Variants in SEMA4A observed in about 807,000 individuals in gnomAD.
SEMA4A encodes the protein semaphorin-4A.
SEMA4A carries 52 observed loss-of-function variants against 72.5 expected under a neutral mutation model. The ratio of observed to expected loss-of-function variants is 0.72; its 90% CI spans 0.57 to 0.90. SEMA4A has a LOEUF of 0.90. Ranked by LOEUF, SEMA4A falls within the 40% of genes least tolerant of loss-of-function variation. The pLI is 0.00. For missense variants in SEMA4A, 926 were observed against 959.7 expected, an observed-to-expected ratio of 0.96 and a Z score of 0.46; for synonymous variants, 369 against 393.1, an observed-to-expected ratio of 0.94 and a Z score of 0.73.
chr1:156,169,407 C>CTTTTTT lies in SEMA4A; in HGVS notation c.1135-3398_1135-3393dup, dbSNP rs766983966. Among the ~76,000 whole-genome samples, 148 of 85,296 alleles carry CTTTTTT rather than the reference C, an allele frequency of 1.7e-3. 1 individual carries two copies. Among genetic ancestry groups the CTTTTTT allele is most frequent in the African/African-American group, 2.3e-3 (46 of 20,192 alleles). 56.0% of individuals were successfully genotyped at this position (85,296 alleles called of 152,430 possible). On this transcript the variant is annotated intron_variant, in intron 10 of 14. Coordinates refer to ENST00000368285, the MANE Select transcript of SEMA4A (RefSeq NM_022367.4). ...CATCTAGGTTTATGTCTTTTCTTTT[C>CTTTTTT]TTTTTTTTTTTTTTTTTTTTTTTTT...
chr1:156,156,334 C>T lies in SEMA4A; in HGVS notation c.140-80C>T, dbSNP rs1653023734. 4 of 1,415,214 alleles carry T rather than the reference C, an allele frequency of 2.8e-6. No individual in the cohort carries two copies. In the South Asian group the frequency reaches 4.6e-5, roughly 16 times the overall value. The allele number at this position is 1,415,214 out of a possible 1,614,324, so 87.7% of individuals were successfully genotyped here. A position where few individuals can be genotyped will look rare whatever the true frequency, so the allele number is the denominator to read the frequency against. Reference sequence around the variant, plus strand: ...GGGAGCACACTCAGGCAACCCTTCCCCTTCCCCCACTTTTATCTCAGGAGT... The same window carrying T: ...GGGAGCACACTCAGGCAACCCTTCCTCTTCCCCCACTTTTATCTCAGGAGT... On this transcript the variant is annotated intron_variant, in intron 2 of 14. Transcript: ENST00000368285.
In SEMA4A at chr1:156,160,947, T is replaced by C. The variant is rs1653545191; in HGVS notation, c.728T>C (p.Val243Ala). The change falls in exon 8 of 15, where the codon GTC becomes GCC. Residue 243 changes from valine (V) to alanine (A), a missense_variant. Physicochemically the swap from Val to Ala is moderately conservative, Grantham distance 64. Coordinates refer to ENST00000368285, the MANE Select transcript of SEMA4A (RefSeq NM_022367.4). Reference sequence around the variant, plus strand: ...GCAGCCATCCCTTCGACCCAGGTCGTCTACTTCTTCTTCGAGGAGACAGCC... The same window carrying C: ...GCAGCCATCCCTTCGACCCAGGTCGCCTACTTCTTCTTCGAGGAGACAGCC... ...FVAAIPSTQV[V>A]YFFFEETASE... is the part of the protein sequence containing the mutation. 1 of 1,612,826 alleles carries C rather than the reference T, an allele frequency of 6.2e-7. No homozygotes were observed. The highest frequency in any genetic ancestry group is 1.7e-5 in the Admixed American group (1 of 59,866).
Position 156,154,705 on chromosome 1 carries a change from A to G in SEMA4A, c.127A>G (p.Arg43Gly), listed in dbSNP as rs1641788827. 1 of 1,585,214 alleles carries G rather than the reference A, an allele frequency of 6.3e-7. No individual in the cohort carries two copies. The highest frequency in any genetic ancestry group is 8.6e-7 in the Non-Finnish European group (1 of 1,166,028). The change falls in exon 2 of 15, where the codon AGA becomes GGA. Residue 43 changes from arginine (R) to glycine (G), a missense_variant. Coordinates refer to ENST00000368285, the MANE Select transcript of SEMA4A (RefSeq NM_022367.4). ...GGGQGPMPRV[R>G]YYAGDERRAL... ...CGGGCAGGGGCCCATGCCCAGGGTC[A>G]GATACTATGCAGGTAAGTGTCCGAC...
chr1:156,154,568 T>C lies in SEMA4A; in HGVS notation c.-11T>C. The C allele has an allele frequency of 6.2e-7, 1 of 1,608,278 alleles. No homozygotes were observed. The highest frequency in any genetic ancestry group is 8.5e-7 in the Non-Finnish European group (1 of 1,179,044). On this transcript the variant is annotated 5_prime_UTR_variant, in exon 2 of 15. Coordinates refer to ENST00000368285, the MANE Select transcript of SEMA4A (RefSeq NM_022367.4). ...TCCCCAGAGCTCCCTGGTGACAGTCTGTGGCTGAGCATGGCCCTCCCAGCC... is the reference window on the plus strand; with the variant it reads ...TCCCCAGAGCTCCCTGGTGACAGTCCGTGGCTGAGCATGGCCCTCCCAGCC...
intron 10 of SEMA4A, among the ~76,000 whole-genome samples, chr1:156,170,394 C>T (rs73006744): frequency 0.018 from 2,161 of 119,656 alleles, 55 homozygotes; most frequent in African/African-American, 0.066. Flanking sequence ...ATTCTCCAGG[C>T]GGAGGTTGCG....
Position 156,158,348 on chromosome 1 carries a change from G to A in SEMA4A, c.364-40G>A, listed in dbSNP as rs115108770. 3.4e-3 allele frequency: 5,226 copies of A among 1,535,028 alleles called. 173 individuals carry two copies. In the African/African-American group the frequency reaches 0.066, roughly 19 times the overall value. On this transcript the variant is annotated intron_variant, in intron 4 of 14. Transcript: ENST00000368285. ...AGCCTCTGGGGGTCCAGCAATTTGA[G>A]TCAGGTGGCCTGGAGACCTAAATTC...
Position 156,157,999 on chromosome 1 carries a change from G to T in SEMA4A, c.301-71G>T. ...GTTATTTCACATCAGAGCAGAGAAG[G>T]GAGGCAGGTCACAGCTAGAACTGAG... On this transcript the variant is annotated intron_variant, in intron 3 of 14. Transcript: ENST00000368285. This position sits in a 1 kb window ranked among gnomAD's most constrained non-coding sequence, Gnocchi z 4.5. 1 of 1,476,092 alleles carries T rather than the reference G, an allele frequency of 6.8e-7. No homozygotes were observed. Among genetic ancestry groups the T allele is most frequent in the East Asian group, 2.3e-5 (1 of 43,500 alleles). The allele number at this position is 1,476,092 out of a possible 1,614,324, so 91.4% of individuals were successfully genotyped here. A position where few individuals can be genotyped will look rare whatever the true frequency, so the allele number is the denominator to read the frequency against.
chr1:156,168,718 T>G (rs1265648258), intron 10 of SEMA4A, among the ~76,000 whole-genome samples: 1 of 152,198 alleles, frequency 6.6e-6, no homozygotes, highest in African/African-American at 2.4e-5. Flanking sequence ...TGGTCTCTGT[T>G]ATGTCACCAC....
At chr1:156,171,204 A>G (rs1654740214) in intron 10 of SEMA4A, among the ~76,000 whole-genome samples, 1 of 152,204 alleles carries the variant, frequency 6.6e-6, no homozygotes, top group Non-Finnish European at 1.5e-5. Context: ...TTGTCTAAGG[A>G]CACAGCTTAT....
chr1:156,176,403 A>G lies in SEMA4A; in HGVS notation c.1694-2A>G. 1 of 1,602,524 alleles carries G rather than the reference A, an allele frequency of 6.2e-7. No individual in the cohort carries two copies. Among genetic ancestry groups the G allele is most frequent in the Non-Finnish European group, 8.5e-7 (1 of 1,169,750 alleles). ...CCTTTTGCTCCTTTCTTTCTCCTACAGTTAAAGAAGTCCTGGCTGTCCCCA... is the reference window on the plus strand; with the variant it reads ...CCTTTTGCTCCTTTCTTTCTCCTACGGTTAAAGAAGTCCTGGCTGTCCCCA... On this transcript the variant is annotated splice_acceptor_variant, in intron 14 of 14. Transcript: ENST00000368285. LOFTEE classifies it high-confidence loss of function.
At chr1:156,160,767 C>T (rs771769425) in intron 7 of SEMA4A, 138 bp from the exon 8 acceptor site, 15 of 1,296,042 alleles carry the variant, frequency 1.2e-5, no homozygotes, top group Non-Finnish European at 1.7e-5. Flanking sequence ...CACCCCACAT[C>T]GCTACCCCTC....
At chr1:156,160,304 A>G in intron 6 of SEMA4A, 139 bp from the exon 7 acceptor site, 1 of 728,972 alleles carries the variant, frequency 1.4e-6, no homozygotes, top group South Asian at 1.4e-5. Flanking sequence ...CTGGCCTTTG[A>G]GGCTCCCCAG....
chr1:156,172,599 G>A (rs1169573972), intron 10 of SEMA4A, among the ~76,000 whole-genome samples: 1 of 152,166 alleles, frequency 6.6e-6, no homozygotes, highest in Admixed American at 6.5e-5. Flanking sequence ...TTCCCAGCGA[G>A]CCTATGAGGC....
intron 10 of SEMA4A, among the ~76,000 whole-genome samples, chr1:156,170,912 C>G (rs1006938501): frequency 6.6e-6 from 1 of 151,788 alleles, no homozygotes; most frequent in Non-Finnish European, 1.5e-5. Context: ...CAGTGAGACC[C>G]TGTTTCAAAA....
Position 156,154,626 on chromosome 1 carries a change from T to C in SEMA4A, c.48T>C (p.Leu16=). The part of the protein sequence containing the change: ...LGLDPWSLLG[L]FLFQLLQLLL... Reference sequence around the variant, plus strand: ...TGGACCCCTGGAGCCTCCTGGGCCTTTTCCTCTTCCAACTGCTTCAGCTGC... The same window carrying C: ...TGGACCCCTGGAGCCTCCTGGGCCTCTTCCTCTTCCAACTGCTTCAGCTGC... Residue 16 remains leucine, a synonymous_variant, in exon 2 of 15, where the codon CTT becomes CTC. Coordinates refer to ENST00000368285, the MANE Select transcript of SEMA4A (RefSeq NM_022367.4). 1 of 1,610,630 alleles carries C rather than the reference T, an allele frequency of 6.2e-7. No homozygotes were observed. The highest frequency in any genetic ancestry group is 1.1e-5 in the South Asian group (1 of 90,208).
chr1:156,165,777 C>T (rs115063387), intron 10 of SEMA4A, among the ~76,000 whole-genome samples: 2,375 of 151,950 alleles, frequency 0.016, 66 homozygotes, highest in African/African-American at 0.055. Context: ...TCTGAAATTT[C>T]ATGGTGTTGT....
At chr1:156,149,566 A>G (rs562432387), upstream of SEMA4A, among the ~76,000 whole-genome samples, 4 of 152,310 alleles carry the variant, frequency 2.6e-5, no homozygotes, top group Admixed American at 1.3e-4. Context: ...GCATAGTTGC[A>G]TAGATATTTG....
upstream of SEMA4A, among the ~76,000 whole-genome samples, chr1:156,148,541 G>A (rs911601153): frequency 1.6e-4 from 25 of 152,126 alleles, no homozygotes; most frequent in South Asian, 2.1e-4. Context: ...CTCTACCCAG[G>A]GCCGACACCA....
chr1:156,161,129 GC>G, intron 8 of SEMA4A, 100 bp downstream of exon 8: 2 of 1,319,494 alleles, frequency 1.5e-6, no homozygotes, highest in Non-Finnish European at 1.1e-6. Flanking sequence ...GAGCGGGGGA[GC>G]GGGGCGGGGA....
Sources: gnomAD v4.1 joint callset for allele counts (sites outside exome capture counted in the v4.1 genomes callset) on GRCh38, gnomAD v4.1.1 for gene constraint, Gnocchi (gnomAD v3.1) non-coding constraint, MANE v1.5 for transcripts, NCBI Gene and HGNC (gene_info 2026-07-23, HGNC 2026-07-21) for gene names.